Variants in DCLRE1A observed in about 807,000 individuals in gnomAD.
DCLRE1A encodes the protein DNA cross-link repair 1A protein.
A neutral mutation model predicts 91.9 loss-of-function variants in DCLRE1A; 64 were observed. The ratio of observed to expected loss-of-function variants is 0.70; its 90% CI spans 0.57 to 0.86. The LOEUF is 0.86. Among genes scored for constraint, DCLRE1A ranks in the 40% least tolerant of loss-of-function variants. The pLI is 0.00. For synonymous variants in DCLRE1A, 416 were observed against 431.1 expected (o/e 0.96, Z 0.43); for missense variants, 1,145 against 1,213.3 (o/e 0.94, Z 0.84).
intron 7 of DCLRE1A, 116 bp downstream of exon 7, chr10:113,841,290 C>A: frequency 1.6e-6 from 2 of 1,231,474 alleles, no homozygotes; most frequent in Non-Finnish European, 2.2e-6. Flanking sequence ...TTGTCTAGGG[C>A]AAATTTTACT....
chr10:113,835,112 T>A lies in DCLRE1A; in HGVS notation c.*40A>T. ...TAGATTTAACTACTAACAAGCTACATCCAAGGAACTTAACTACTACTGAAT... is the reference window on the plus strand; with the variant it reads ...TAGATTTAACTACTAACAAGCTACAACCAAGGAACTTAACTACTACTGAAT... On this transcript the variant is annotated 3_prime_UTR_variant, in exon 9 of 9. Transcript: ENST00000361384. 2 of 1,582,786 alleles carry A rather than the reference T, an allele frequency of 1.3e-6. No individual in the cohort carries two copies. Among genetic ancestry groups the A allele is most frequent in the South Asian group, 1.2e-5 (1 of 86,324 alleles).
At chr10:113,838,672 G>C (rs967379566) in intron 7 of DCLRE1A, among the ~76,000 whole-genome samples, 1 of 152,158 alleles carries the variant, frequency 6.6e-6, no homozygotes, top group African/African-American at 2.4e-5. Context: ...TTGGTAACCA[G>C]TTTGGGAGAA....
chr10:113,846,844 T>C (rs190953410), intron 3 of DCLRE1A, among the ~76,000 whole-genome samples: 3 of 151,754 alleles, frequency 2.0e-5, no homozygotes, highest in East Asian at 1.9e-4. Flanking sequence ...TTTGAATCTT[T>C]TCGGTTGCGG....
chr10:113,850,390 G>A lies in DCLRE1A; in HGVS notation c.715C>T (p.Pro239Ser), dbSNP rs147324917. The change falls in exon 2 of 9, where the codon CCG becomes TCG. Residue 239 changes from proline to serine, a missense_variant. By Grantham distance (74) the Pro-to-Ser change is moderately conservative. Coordinates refer to ENST00000361384, the MANE Select transcript of DCLRE1A (RefSeq NM_014881.5). ...TTTTCACTGGCTTCAGTCAGAGACGGAGACTTTTTAAAATACTGTGTCATC... is the reference window on the plus strand; with the variant it reads ...TTTTCACTGGCTTCAGTCAGAGACGAAGACTTTTTAAAATACTGTGTCATC... ...LLMTQYFKKS[P>S]SLTEASEKIS... The A allele has an allele frequency of 2.5e-6, 4 of 1,614,188 alleles. No individual in the cohort carries two copies. In the African/African-American group the frequency reaches 4.0e-5, roughly 16 times the overall value.
At chr10:113,842,312 T>C (rs780500399) in intron 6 of DCLRE1A, 31 bp downstream of exon 6, 4 of 1,566,182 alleles carry the variant, frequency 2.6e-6, no homozygotes, top group Non-Finnish European at 1.7e-6. Context: ...TTATAATATA[T>C]TAATGTAAAT....
At chr10:113,847,100 G>T in intron 3 of DCLRE1A, 102 bp downstream of exon 3, 2 of 1,136,662 alleles carry the variant, frequency 1.8e-6, no homozygotes, top group Non-Finnish European at 2.4e-6. Flanking sequence ...TTTTTTTCTA[G>T]TAGAATGAAA....
chr10:113,841,281 T>C (rs1845440900), intron 7 of DCLRE1A, 125 bp downstream of exon 7: 1 of 1,101,448 alleles, frequency 9.1e-7, no homozygotes, highest in Admixed American at 3.2e-5. Context: ...CTTAAAAGAT[T>C]GTCTAGGGCA....
chr10:113,844,140 G>A lies in DCLRE1A; in HGVS notation c.2483C>T (p.Ala828Val), dbSNP rs147473337. The A allele has an allele frequency of 3.4e-4, 553 of 1,614,146 alleles. 4 individuals are homozygous for A. The African/African-American group carries it at 6.5e-3, about 19-fold the overall frequency. The change falls in exon 5 of 9, where the codon GCG (alanine) becomes GTG (valine). Residue 828 changes from alanine (A) to valine (V), a missense_variant. Coordinates refer to ENST00000361384, the MANE Select transcript of DCLRE1A (RefSeq NM_014881.5). Reference protein sequence around the residue: ...ADPSMERSLLADQKVHMLYLD... With the variant: ...ADPSMERSLLVDQKVHMLYLD... ...GTACAGCATATGGACTTTCTGGTCC[G>A]CAAGAAGAGAACGTTCCATGCTGGG...
chr10:113,843,242 T>C (rs1364260989), intron 5 of DCLRE1A, among the ~76,000 whole-genome samples: 1 of 152,218 alleles, frequency 6.6e-6, no homozygotes, highest in Non-Finnish European at 1.5e-5. Context: ...ATTTTCAGAA[T>C]TGTTTTGCTA....
chr10:113,841,637 G>A, intron 6 of DCLRE1A, 77 bp from the exon 7 acceptor site: 1 of 1,428,598 alleles, frequency 7.0e-7, no homozygotes, highest in East Asian at 2.4e-5. Context: ...CAAATTTTAA[G>A]GTAAGAATTT....
At chr10:113,843,364 T>G (rs1439824512) in intron 5 of DCLRE1A, among the ~76,000 whole-genome samples, 2 of 152,164 alleles carry the variant, frequency 1.3e-5, no homozygotes, top group Middle Eastern at 3.2e-3. Context: ...TTTTAAAAAC[T>G]TATTTTCTTA....
Position 113,841,506 on chromosome 10 carries a change from G to GTTTTT in DCLRE1A, c.2719_2720insAAAAA (p.Thr907LysfsTer30), listed in dbSNP as rs1419858816. The GTTTTT allele has an allele frequency of 6.2e-7, 1 of 1,613,036 alleles. No homozygotes were observed. Among genetic ancestry groups the GTTTTT allele is most frequent in the African/African-American group, 1.3e-5 (1 of 74,858 alleles). ...TTCTGGTATATTGAGGCACTGTAGA[G>GTTTTT]TTTTATATTTTTCCTGGGACATGCC... is the stretch of plus-strand genomic sequence containing the variant. On this transcript the variant is annotated frameshift_variant, in exon 7 of 9. Transcript: ENST00000361384. LOFTEE classifies it high-confidence loss of function.
At chr10:113,850,723 G>A (rs954138323) in intron 1 of DCLRE1A, 79 bp from the exon 2 acceptor site, 4 of 1,189,576 alleles carry the variant, frequency 3.4e-6, no homozygotes, top group Non-Finnish European at 4.5e-6. Context: ...TATAAATTGG[G>A]TTCCATTATT....
intron 7 of DCLRE1A, 26 bp from the exon 8 acceptor site, chr10:113,837,229 G>T: frequency 6.3e-7 from 1 of 1,594,756 alleles, no homozygotes. Flanking sequence ...AGCATATTGA[G>T]GTCAATGGAG....
chr10:113,837,150 T>A lies in DCLRE1A; in HGVS notation c.2874A>T (p.Ala958=). ...AGTGTGTCCATCCTGTAGGTCGAAA[T>A]GCCAAAATCTGATTGTATTTCCCAC... The part of the protein sequence containing the change: ...KCGGKYNQIL[A]FRPTGWTHSN... The change falls in exon 8 of 9, where the codon GCA becomes GCT. Residue 958 remains alanine (A), a synonymous_variant. Coordinates refer to ENST00000361384, the MANE Select transcript of DCLRE1A (RefSeq NM_014881.5). The A allele has an allele frequency of 6.2e-7, 1 of 1,613,470 alleles. No individual in the cohort carries two copies. Among genetic ancestry groups the A allele is most frequent in the Non-Finnish European group, 8.5e-7 (1 of 1,179,764 alleles).
intron 7 of DCLRE1A, among the ~76,000 whole-genome samples, chr10:113,841,167 T>A (rs548105141): frequency 6.6e-6 from 1 of 152,204 alleles, no homozygotes; most frequent in Non-Finnish European, 1.5e-5. Context: ...TCCATTTTTG[T>A]TCCTTCCTAT....
At chr10:113,835,794 G>C (rs1845352360) in intron 8 of DCLRE1A, among the ~76,000 whole-genome samples, 1 of 152,130 alleles carries the variant, frequency 6.6e-6, no homozygotes, top group Non-Finnish European at 1.5e-5. Context: ...AATTAGCCAG[G>C]CGTGGTGGCA....
In DCLRE1A at chr10:113,837,164, TG is replaced by T. The variant is rs752285586; in HGVS notation, c.2859del (p.Tyr953Ter). 8 of 1,613,264 alleles carry T rather than the reference TG, an allele frequency of 5.0e-6. No individual in the cohort carries two copies. In the South Asian group the frequency reaches 7.7e-5, roughly 16 times the overall value. Reference protein sequence around the residue: ...QSHLKKCGGKYNQILAFRPTG... With the variant: ...QSHLKKCGGKXNQILAFRPTG... Reference sequence around the variant, plus strand: ...GTAGGTCGAAATGCCAAAATCTGATTGTATTTCCCACCACACTTCTTCAAAT... The same window carrying T: ...GTAGGTCGAAATGCCAAAATCTGATTTATTTCCCACCACACTTCTTCAAAT... On this transcript the variant is annotated frameshift_variant, in exon 8 of 9. Coordinates refer to ENST00000361384, the MANE Select transcript of DCLRE1A (RefSeq NM_014881.5). LOFTEE classifies it high-confidence loss of function.
At chr10:113,848,847 G>T in intron 2 of DCLRE1A, 133 bp downstream of exon 2, 4 of 836,996 alleles carry the variant, frequency 4.8e-6, no homozygotes, top group African/African-American at 1.7e-5. Context: ...AGAGGCTCAT[G>T]AAGTATCACA....
Sources: gnomAD v4.1 joint callset for allele counts (sites outside exome capture counted in the v4.1 genomes callset) on GRCh38, gnomAD v4.1.1 for gene constraint, MANE v1.5 for transcripts, NCBI Gene and HGNC (gene_info 2026-07-23, HGNC 2026-07-21) for gene names.